Variants in CBFB observed in about 807,000 individuals in gnomAD.
The protein encoded by CBFB is CBF-beta.
Under a neutral mutation model 30.4 loss-of-function variants are expected in CBFB, and 9 were observed. The ratio of observed to expected loss-of-function variants is 0.30; its 90% confidence interval spans 0.18 to 0.52. The LOEUF is 0.52. Among genes scored for constraint, CBFB ranks in the 20% least tolerant of loss-of-function variants. CBFB has a pLI of 0.97. For synonymous variants in CBFB, 94 were observed against 84.0 expected (o/e 1.12, Z -0.65); for missense variants, 170 against 244.0 (o/e 0.70, Z 2.02).
rs1179158329 is a variant in CBFB at position 67,098,713 on chromosome 16, A to G, written c.499A>G (p.Arg167Gly). The change falls in exon 6 of 6, where the codon AGA (arginine) becomes GGA (glycine). Residue 167 changes from arginine (R) to glycine (G), a missense_variant. Arg to Gly is a moderately radical substitution (Grantham distance 125, BLOSUM62 -2). Transcript: ENST00000412916. ...DRSHREEMEARRQQDPSPGSN... is the reference protein window; with the variant it reads ...DRSHREEMEAGRQQDPSPGSN... The stretch of plus-strand genomic sequence containing the variant: ...AATTATGATTTTGTCATTGCAGGCA[A>G]GAAGACAACAAGACCCTAGTCCTGG... 6.2e-7 allele frequency: 1 copy of G among 1,604,420 alleles called. No homozygotes were observed. Among genetic ancestry groups the G allele is most frequent in the East Asian group, 2.2e-5 (1 of 44,818 alleles).
chr16:67,072,719 G>A (rs1052315209), intron 4 of CBFB, among the ~76,000 whole-genome samples: 1 of 151,788 alleles, frequency 6.6e-6, no homozygotes, highest in Non-Finnish European at 1.5e-5. Flanking sequence ...GCCCGCCTCA[G>A]CCTCCCAAAG....
At position 67,100,663 on chromosome 16, in the gene CBFB, A is replaced by G. The variant is rs1424966344; in HGVS notation, c.*1885A>G. The G allele has an allele frequency of 4.5e-6, 1 of 220,332 alleles. No individual in the cohort carries two copies. Among genetic ancestry groups the G allele is most frequent in the Non-Finnish European group, 9.1e-6 (1 of 109,734 alleles). The allele number at this position is 220,332 out of a possible 1,614,324, so 13.6% of individuals were successfully genotyped here. Reference sequence around the variant, plus strand: ...TTTTTTTAAATAACATGATGATGGTACATTTTCCTCTATTGTCTAGCTAAG... The same window carrying G: ...TTTTTTTAAATAACATGATGATGGTGCATTTTCCTCTATTGTCTAGCTAAG... On this transcript the variant is annotated 3_prime_UTR_variant, in exon 6 of 6. Coordinates refer to ENST00000412916, the MANE Select transcript of CBFB (RefSeq NM_022845.3).
chr16:67,046,740 C>T (rs1966634473), intron 3 of CBFB, among the ~76,000 whole-genome samples: 1 of 151,984 alleles, frequency 6.6e-6, no homozygotes, highest in African/African-American at 2.4e-5. Flanking sequence ...GGGAAGAAAA[C>T]GTTTGTAATT....
chr16:67,058,117 T>G (rs1239280034), intron 3 of CBFB, among the ~76,000 whole-genome samples: 1 of 151,564 alleles, frequency 6.6e-6, no homozygotes, highest in African/African-American at 2.4e-5. Context: ...ATCACACTAG[T>G]TATTCAAATC....
At position 67,098,773 on chromosome 16, in the gene CBFB, C is replaced by T. The variant is rs536749790; in HGVS notation, c.559C>T (p.Arg187Cys). The T allele has an allele frequency of 1.3e-5, 21 of 1,583,318 alleles. No homozygotes were observed. In the South Asian group the frequency reaches 1.3e-4, roughly 10 times the overall value. Residue 187 changes from arginine (R) to cysteine (C), a missense_variant, in exon 6 of 6, where the codon CGT becomes TGT. By Grantham distance (180) the Arg-to-Cys change is radical. Transcript: ENST00000412916. The part of the protein sequence containing the change: ...NLGGGDDLKL[R>C] ...AGGTGGTGGTGATGACCTCAAACTT[C>T]GTTAATTAATAGCACAGCAGATGTG...
intron 3 of CBFB, among the ~76,000 whole-genome samples, chr16:67,059,905 A>G (rs1407623163): frequency 1.3e-5 from 2 of 152,100 alleles, no homozygotes; most frequent in African/African-American, 2.4e-5. Context: ...TGATTTGGAT[A>G]TCTCATAGAT....
intron 3 of CBFB, among the ~76,000 whole-genome samples, chr16:67,041,166 C>T (rs1473599422): frequency 6.6e-6 from 1 of 152,126 alleles, no homozygotes; most frequent in Non-Finnish European, 1.5e-5. Flanking sequence ...GACTCAAACT[C>T]CTGGACTCAA....
At chr16:67,090,281 C>A (rs76781811) in intron 5 of CBFB, among the ~76,000 whole-genome samples, 7,376 of 152,170 alleles carry the variant, frequency 0.048, 525 homozygotes, top group African/African-American at 0.15. Flanking sequence ...CTATTCTGTA[C>A]TTGTATAAAA....
Position 67,043,002 on chromosome 16 carries a change from C to T in CBFB, c.282+6247C>T, listed in dbSNP as rs138066615. 3.4e-3 allele frequency among the ~76,000 whole-genome samples: 516 copies of T among 152,306 alleles called. 5 individuals carry two copies. The highest frequency in any genetic ancestry group is 0.016 in the South Asian group (77 of 4,826). On this transcript the variant is annotated intron_variant, in intron 3 of 5. Transcript: ENST00000412916. ...CTGCCTGCCTCAGCCTCCCAAAGTG[C>T]TGGGATTACAGGTGTGAGCCACTGC...
chr16:67,098,900 C>T lies in CBFB; in HGVS notation c.*122C>T. 1 of 669,248 alleles carries T rather than the reference C, an allele frequency of 1.5e-6. No homozygotes were observed. The highest frequency in any genetic ancestry group is 2.7e-6 in the Non-Finnish European group (1 of 370,360). The allele number at this position is 669,248 out of a possible 1,614,324, so 41.5% of individuals were successfully genotyped here. ...GGAGGTACTACGGTCTATTTCTCAA[C>T]CTTAGGCAGTAATAGACATCACAAA... On this transcript the variant is annotated 3_prime_UTR_variant, in exon 6 of 6. Transcript: ENST00000412916.
chr16:67,052,030 C>T (rs756095077), intron 3 of CBFB, among the ~76,000 whole-genome samples: 8 of 151,928 alleles, frequency 5.3e-5, no homozygotes, highest in Non-Finnish European at 7.4e-5. Context: ...TGCCGTGACA[C>T]GATCTCAGCT....
At chr16:67,094,797 C>G (rs1449080613) in intron 5 of CBFB, among the ~76,000 whole-genome samples, 3 of 152,122 alleles carry the variant, frequency 2.0e-5, no homozygotes, top group Non-Finnish European at 2.9e-5. Context: ...CATATGTATT[C>G]CATAGCTCTT....
At chr16:67,084,068 G>A (rs536640434) in intron 5 of CBFB, among the ~76,000 whole-genome samples, 1 of 147,660 alleles carries the variant, frequency 6.8e-6, no homozygotes, top group East Asian at 2.0e-4. Flanking sequence ...TCAGGAGGCT[G>A]AAGCAGGGGG....
At chr16:67,050,438 C>T (rs1378348684) in intron 3 of CBFB, among the ~76,000 whole-genome samples, 1 of 151,412 alleles carries the variant, frequency 6.6e-6, no homozygotes, top group African/African-American at 2.4e-5. Flanking sequence ...TACATATATA[C>T]GTATGATAAA....
intron 3 of CBFB, among the ~76,000 whole-genome samples, chr16:67,047,470 C>G (rs1966648568): frequency 6.6e-6 from 1 of 152,116 alleles, no homozygotes; most frequent in African/African-American, 2.4e-5. Context: ...GATGTAAAGA[C>G]AGGTTAATCT....
intron 5 of CBFB, among the ~76,000 whole-genome samples, chr16:67,086,822 A>G (rs1018256360): frequency 6.6e-6 from 1 of 152,180 alleles, no homozygotes; most frequent in Non-Finnish European, 1.5e-5. Flanking sequence ...TGGGAAAATG[A>G]TGGATAAACA....
At chr16:67,082,129 G>GGA in intron 4 of CBFB, 84 bp from the exon 5 acceptor site, 2 of 864,584 alleles carry the variant, frequency 2.3e-6, no homozygotes, top group Non-Finnish European at 3.1e-6. Context: ...ACTGTTTCAG[G>GGA]AAAAAAAAAA....
intron 4 of CBFB, among the ~76,000 whole-genome samples, chr16:67,075,471 C>T (rs1286942013): frequency 1.3e-5 from 2 of 151,948 alleles, no homozygotes; most frequent in South Asian, 4.1e-4. Context: ...GAATGTAGAG[C>T]AGCAGTTGGT....
chr16:67,040,081 G>C (rs147397086), intron 3 of CBFB, among the ~76,000 whole-genome samples: 2 of 152,306 alleles, frequency 1.3e-5, no homozygotes, highest in Non-Finnish European at 2.9e-5. Context: ...TGAATTTAGA[G>C]AAAAGGCATT....
Sources: allele counts gnomAD v4.1 joint callset (sites outside exome capture counted in the v4.1 genomes callset), GRCh38; gene constraint gnomAD v4.1.1; transcripts MANE v1.5; gene names NCBI Gene and HGNC (gene_info 2026-07-23, HGNC 2026-07-21).